The following PPP1R37 variants were observed in gnomAD, a reference collection of about 807,000 sequenced individuals.
PPP1R37 encodes leucine rich repeat containing 68.
PPP1R37 carries 21 observed loss-of-function variants against 61.0 expected under a neutral mutation model. The observed-to-expected ratio is 0.34, with a 90% CI of 0.24 to 0.50. PPP1R37 has a LOEUF of 0.50. Among genes scored for constraint, PPP1R37 ranks in the 20% least tolerant of loss-of-function variants. PPP1R37 has a pLI of 0.98. For missense variants in PPP1R37, 910 were observed against 952.7 expected, an observed-to-expected ratio of 0.96 and a Z score of 0.59; for synonymous variants, 443 against 433.5, an observed-to-expected ratio of 1.02 and a Z score of -0.27.
intron 1 of PPP1R37, among the ~76,000 whole-genome samples, chr19:45,120,985 C>T (rs1968335575): frequency 6.6e-6 from 1 of 152,194 alleles, no homozygotes; most frequent in Non-Finnish European, 1.5e-5. Context: ...TGGTCAGGTC[C>T]TTTCTCATCT....
chr19:45,138,618 G>A lies in PPP1R37; in HGVS notation c.300+7G>A. On this transcript the variant is annotated splice_region_variant and intron_variant, in intron 2 of 12. Transcript: ENST00000221462. ...GCTCCTCAGGCAGCTGCAGGTATGGGCGGGACAGGGTGGGTGCGTCCGGTG... is the reference window on the plus strand; with the variant it reads ...GCTCCTCAGGCAGCTGCAGGTATGGACGGGACAGGGTGGGTGCGTCCGGTG... The A allele has an allele frequency of 6.7e-7, 1 of 1,497,020 alleles. No individual in the cohort carries two copies. The allele number at this position is 1,497,020 out of a possible 1,614,324, so 92.7% of individuals were successfully genotyped here. A position where few individuals can be genotyped will look rare whatever the true frequency, so the allele number is the denominator to read the frequency against.
At chr19:45,108,018 G>A (rs1000250552) in intron 1 of PPP1R37, among the ~76,000 whole-genome samples, 2 of 152,196 alleles carry the variant, frequency 1.3e-5, no homozygotes. Flanking sequence ...CATCACACGG[G>A]TAGCCTTCTT....
intron 1 of PPP1R37, among the ~76,000 whole-genome samples, chr19:45,104,262 TCC>T (rs1968101648): frequency 6.6e-6 from 1 of 152,132 alleles, no homozygotes; most frequent in Non-Finnish European, 1.5e-5. Context: ...CCATCTCCCC[TCC>T]CTGGACCAGT....
At chr19:45,131,133 C>A (rs73562265) in intron 1 of PPP1R37, among the ~76,000 whole-genome samples, 6 of 152,132 alleles carry the variant, frequency 3.9e-5, no homozygotes, top group Admixed American at 6.5e-5. Context: ...ACCTGATGCC[C>A]GGCGTCAGGT....
At chr19:45,128,593 CAA>C (rs1268433412) in intron 1 of PPP1R37, 12 of 1,261,726 alleles carry the variant, frequency 9.5e-6, no homozygotes, top group East Asian at 2.7e-5. Flanking sequence ...GACTTCGAGA[CAA>C]GAGATGCAGG....
chr19:45,140,705 G>C, intron 4 of PPP1R37, 99 bp downstream of exon 4: 1 of 862,878 alleles, frequency 1.2e-6, no homozygotes, highest in Admixed American at 2.1e-5. Flanking sequence ...GGGTCCCCTA[G>C]ACAAAGGCTG....
At chr19:45,122,660 G>A (rs1367323094) in intron 1 of PPP1R37, among the ~76,000 whole-genome samples, 1 of 152,106 alleles carries the variant, frequency 6.6e-6, no homozygotes, top group Non-Finnish European at 1.5e-5. Flanking sequence ...CAGGCAGGGA[G>A]GGAAGGAGCC....
intron 2 of PPP1R37, among the ~76,000 whole-genome samples, chr19:45,139,949 C>T (rs1053727385): frequency 2.6e-5 from 4 of 152,272 alleles, no homozygotes; most frequent in Non-Finnish European, 5.9e-5. Context: ...CCCAGAGATG[C>T]TGGGCCCACT....
chr19:45,122,434 C>A (rs950873100), intron 1 of PPP1R37, among the ~76,000 whole-genome samples: 3 of 152,168 alleles, frequency 2.0e-5, no homozygotes, highest in African/African-American at 7.2e-5. Context: ...TTACTGTGTG[C>A]CCAGTAAAGA....
rs11312138 is a variant in PPP1R37, at chr19:45,120,014, C to CTTTT, written c.203-18482_203-18479dup. Reference sequence around the variant, plus strand: ...AGCACAGATTTTTTATTTTCCCCTTCTTTTTTTTTTTTTTTTTTTTTGAGA... The same window carrying CTTTT: ...AGCACAGATTTTTTATTTTCCCCTTCTTTTTTTTTTTTTTTTTTTTTTTTTGAGA... On this transcript the variant is annotated intron_variant, in intron 1 of 12. Coordinates refer to ENST00000221462, the MANE Select transcript of PPP1R37 (RefSeq NM_019121.2). Among the ~76,000 whole-genome samples the CTTTT allele has an allele frequency of 1.8e-3, 149 of 83,554 alleles. 4 individuals are homozygous for CTTTT. Among genetic ancestry groups the CTTTT allele is most frequent in the African/African-American group, 5.6e-3 (115 of 20,452 alleles). 54.8% of individuals were successfully genotyped at this position (83,554 alleles called of 152,430 possible).
chr19:45,114,935 C>T (rs940021763), intron 1 of PPP1R37, among the ~76,000 whole-genome samples: 2 of 152,200 alleles, frequency 1.3e-5, no homozygotes, highest in Non-Finnish European at 2.9e-5. Context: ...CTAACTCCCC[C>T]TACACATCCC....
intron 8 of PPP1R37, chr19:45,144,531 TAA>T: frequency 2.8e-6 from 1 of 355,220 alleles, no homozygotes; most frequent in Admixed American, 4.8e-5. Flanking sequence ...AACCCCGGGA[TAA>T]GAGTTGCCCT....
At chr19:45,117,386 G>A (rs564033196) in intron 1 of PPP1R37, among the ~76,000 whole-genome samples, 2 of 152,290 alleles carry the variant, frequency 1.3e-5, no homozygotes, top group Admixed American at 1.3e-4. Flanking sequence ...GGTGAGCCCC[G>A]GTGGAGTGCT....
In PPP1R37 at chr19:45,145,594, G is replaced by GGGAGGAAGA. The variant is rs768077981; in HGVS notation, c.1551_1559dup (p.Glu518_Glu520dup). 1.7e-5 allele frequency: 26 copies of GGGAGGAAGA among 1,536,012 alleles called. No individual in the cohort carries two copies. The highest frequency in any genetic ancestry group is 1.7e-4 in the Middle Eastern group (1 of 6,008). ...TCAGACTCAGACTCGGACTCGGATG[G>GGGAGGAAGA]GGAGGAAGAGGAGGAAGAGGAAGGG... On this transcript the variant is annotated inframe_insertion, in exon 11 of 13. Coordinates refer to ENST00000221462, the MANE Select transcript of PPP1R37 (RefSeq NM_019121.2).
chr19:45,126,057 G>GCA (rs1968400461), intron 1 of PPP1R37, among the ~76,000 whole-genome samples: 2 of 152,212 alleles, frequency 1.3e-5, no homozygotes, highest in Non-Finnish European at 2.9e-5. Flanking sequence ...TGGTGCCCAA[G>GCA]TCGTGGGGGC....
chr19:45,133,303 C>T (rs557769997), intron 1 of PPP1R37, among the ~76,000 whole-genome samples: 1 of 152,312 alleles, frequency 6.6e-6, no homozygotes, highest in Non-Finnish European at 1.5e-5. Context: ...AGGCTTGTCT[C>T]GAACTCCTGG....
At chr19:45,102,297 CTG>C (rs1426246430) in intron 1 of PPP1R37, among the ~76,000 whole-genome samples, 3 of 152,236 alleles carry the variant, frequency 2.0e-5, no homozygotes, top group African/African-American at 4.8e-5. Context: ...GGAGGAGACT[CTG>C]GAGCCCGCAG....
chr19:45,139,704 G>A (rs936713888), intron 2 of PPP1R37, among the ~76,000 whole-genome samples: 4 of 152,226 alleles, frequency 2.6e-5, no homozygotes, highest in Admixed American at 2.6e-4. Flanking sequence ...GAGAGGGTGG[G>A]TCCTTGGACC....
intron 1 of PPP1R37, among the ~76,000 whole-genome samples, chr19:45,106,329 C>T (rs1357346794): frequency 2.0e-5 from 3 of 152,062 alleles, no homozygotes; most frequent in Non-Finnish European, 4.4e-5. Context: ...GAAACCTTTG[C>T]CTCCCAAGTT....
Sources: gnomAD v4.1 joint callset for allele counts (sites outside exome capture counted in the v4.1 genomes callset) on GRCh38, gnomAD v4.1.1 for gene constraint, MANE v1.5 for transcripts, NCBI Gene and HGNC (gene_info 2026-07-23, HGNC 2026-07-21) for gene names.